The following ANKS1B variants were observed in gnomAD, a reference collection of about 807,000 sequenced individuals.
ANKS1B encodes ankyrin repeat and sterile alpha motif domain containing 1B.
In ANKS1B, 36 loss-of-function variants were observed where a neutral mutation model predicts 148.3. That is an observed-to-expected ratio of 0.24 (90% CI 0.19 to 0.32). The LOEUF is 0.32. Among genes scored for constraint, ANKS1B ranks in the 10% least tolerant of loss-of-function variants. The pLI, the probability that ANKS1B is intolerant of heterozygous loss-of-function variation, is 1.00. For synonymous variants in ANKS1B, 542 were observed against 560.8 expected (o/e 0.97, Z 0.47); for missense variants, 1,157 against 1,542.6 (o/e 0.75, Z 4.19).
chr12:99,412,951 T>C (rs940058648), intron 11 of ANKS1B, among the ~76,000 whole-genome samples: 1 of 152,222 alleles, frequency 6.6e-6, no homozygotes, highest in African/African-American at 2.4e-5. Context: ...TTTTTGGTTG[T>C]TATGAATATG....
At chr12:99,311,995 C>T (rs757414340) in intron 12 of ANKS1B, among the ~76,000 whole-genome samples, 4 of 152,024 alleles carry the variant, frequency 2.6e-5, no homozygotes, top group East Asian at 3.9e-4. Flanking sequence ...AGTATGATAG[C>T]GAGTTTTATT....
At chr12:98,862,425 G>A (rs2099603851) in intron 17 of ANKS1B, among the ~76,000 whole-genome samples, 1 of 152,120 alleles carries the variant, frequency 6.6e-6, no homozygotes, top group South Asian at 2.1e-4. Context: ...CTTACACAGT[G>A]ACTGGAACAT....
At chr12:98,882,283 C>T (rs970299539) in intron 17 of ANKS1B, among the ~76,000 whole-genome samples, 3 of 152,020 alleles carry the variant, frequency 2.0e-5, no homozygotes, top group African/African-American at 4.8e-5. Flanking sequence ...GAACAATCAC[C>T]GTATTAGAAA....
intron 8 of ANKS1B, among the ~76,000 whole-genome samples, chr12:99,683,126 C>A (rs1299934524): frequency 1.3e-5 from 2 of 152,072 alleles, no homozygotes; most frequent in Non-Finnish European, 2.9e-5. Flanking sequence ...AGAGAAACTG[C>A]CCCCATTATT....
intron 11 of ANKS1B, among the ~76,000 whole-genome samples, chr12:99,411,284 A>C (rs1229554669): frequency 6.6e-6 from 1 of 152,142 alleles, no homozygotes; most frequent in Admixed American, 6.6e-5. Flanking sequence ...GGTCCCACTT[A>C]TTAGTAAGAA....
intron 10 of ANKS1B, among the ~76,000 whole-genome samples, chr12:99,492,348 C>T (rs549506998): frequency 2.0e-5 from 3 of 152,020 alleles, no homozygotes; most frequent in Non-Finnish European, 4.4e-5. Flanking sequence ...CAAGACTAAC[C>T]CAGGAAGGAA....
rs779006702 is a variant in ANKS1B at position 98,843,141 on chromosome 12, TTC to T, written c.2779-11007_2779-11006del. On this transcript the variant is annotated intron_variant, in intron 17 of 26. Transcript: ENST00000683438. The stretch of plus-strand genomic sequence containing the variant: ...CATCAACAGTGCTATGATTTGAGTT[TTC>T]TCTGACAAAAACTCAGCTTTAAATT... Among the ~76,000 whole-genome samples the T allele has an allele frequency of 2.0e-5, 3 of 152,206 alleles. No individual in the cohort carries two copies. The East Asian group carries it at 5.8e-4, about 29-fold the overall frequency.
At chr12:99,640,730 C>A (rs1188620900) in intron 9 of ANKS1B, among the ~76,000 whole-genome samples, 5 of 152,140 alleles carry the variant, frequency 3.3e-5, no homozygotes. Context: ...GAAAAATGAA[C>A]GGATGAGTGG....
chr12:98,863,741 A>T (rs1404791680), intron 17 of ANKS1B, among the ~76,000 whole-genome samples: 2 of 152,240 alleles, frequency 1.3e-5, no homozygotes, highest in Non-Finnish European at 2.9e-5. Flanking sequence ...AAACTTGTAC[A>T]TTAGCCAGTA....
intron 1 of ANKS1B, among the ~76,000 whole-genome samples, chr12:99,858,583 A>T (rs142147279): frequency 1.3e-5 from 2 of 152,326 alleles, no homozygotes; most frequent in Admixed American, 1.3e-4. Flanking sequence ...ACTGATGTTT[A>T]TAGCAGCACA....
intron 11 of ANKS1B, among the ~76,000 whole-genome samples, chr12:99,417,868 G>A (rs540942601): frequency 6.6e-6 from 1 of 152,272 alleles, no homozygotes; most frequent in South Asian, 2.1e-4. Context: ...GAAGTCCAAT[G>A]TAACTATCAG....
rs529393875 is a variant in ANKS1B at position 99,197,931 on chromosome 12, C to A, written c.2420-43536G>T. On this transcript the variant is annotated intron_variant, in intron 14 of 26. Coordinates refer to ENST00000683438, the MANE Select transcript of ANKS1B (RefSeq NM_001352186.2). ...AATAAGAAGAATTATACAGGCCATT[C>A]TATGTCATGCTTTCTTGATTTTGTA... Among the ~76,000 whole-genome samples the A allele has an allele frequency of 2.1e-3, 317 of 152,230 alleles. 4 individuals carry two copies. Among genetic ancestry groups the A allele is most frequent in the Middle Eastern group, 0.017 (5 of 294 alleles).
intron 11 of ANKS1B, among the ~76,000 whole-genome samples, chr12:99,415,361 C>T (rs2094863594): frequency 6.6e-6 from 1 of 152,072 alleles, no homozygotes; most frequent in Admixed American, 6.5e-5. Flanking sequence ...TTTGTTTCAT[C>T]TTAGGAACAG....
chr12:99,423,924 A>AC (rs35470219), intron 11 of ANKS1B, among the ~76,000 whole-genome samples: 52 of 151,152 alleles, frequency 3.4e-4, no homozygotes, highest in African/African-American at 1.1e-3. Flanking sequence ...AATCTGTATA[A>AC]CCCCCCCACC....
chr12:99,125,806 T>A (rs2064161992), intron 15 of ANKS1B, among the ~76,000 whole-genome samples: 1 of 152,058 alleles, frequency 6.6e-6, no homozygotes, highest in African/African-American at 2.4e-5. Flanking sequence ...AAGAAGAATC[T>A]GGGCCCTTTT....
intron 12 of ANKS1B, among the ~76,000 whole-genome samples, chr12:99,275,704 A>G (rs1383294633): frequency 6.6e-6 from 1 of 152,206 alleles, no homozygotes; most frequent in South Asian, 2.1e-4. Context: ...ATACCTGGCC[A>G]CTTAGTGTCA....
chr12:99,286,412 G>A (rs2079122100), intron 12 of ANKS1B, among the ~76,000 whole-genome samples: 1 of 152,054 alleles, frequency 6.6e-6, no homozygotes, highest in Non-Finnish European at 1.5e-5. Context: ...TACCCAGGCA[G>A]TACTTGTCAT....
At chr12:98,913,774 C>T (rs113539745) in intron 17 of ANKS1B, among the ~76,000 whole-genome samples, 348 of 152,184 alleles carry the variant, frequency 2.3e-3, no homozygotes, top group African/African-American at 7.8e-3. Context: ...ATGACAGACG[C>T]GTGCCACTAC....
At chr12:99,238,299 G>A (rs1280104840) in intron 14 of ANKS1B, among the ~76,000 whole-genome samples, 3 of 152,228 alleles carry the variant, frequency 2.0e-5, no homozygotes, top group Non-Finnish European at 4.4e-5. Context: ...CTCACTGCTA[G>A]TGCAGCAGTC....
Sources: gnomAD v4.1 joint callset for allele counts (sites outside exome capture counted in the v4.1 genomes callset) on GRCh38, gnomAD v4.1.1 for gene constraint, MANE v1.5 for transcripts, NCBI Gene and HGNC (gene_info 2026-07-23, HGNC 2026-07-21) for gene names.